Variants in MOCS1 observed in about 807,000 individuals in gnomAD.
MOCS1 encodes molybdenum cofactor synthesis 1, also known as molybdenum cofactor biosynthesis protein 1.
Under a neutral mutation model 57.6 loss-of-function variants are expected in MOCS1, and 39 were observed. The observed-to-expected ratio is 0.68, with a 90% CI of 0.52 to 0.88. MOCS1 has a LOEUF of 0.88. MOCS1 is among the 40% of genes least tolerant of loss of function. The pLI is 0.00. For synonymous variants in MOCS1, 334 were observed against 335.7 expected, an observed-to-expected ratio of 1.00 and a Z score of 0.05; for missense variants, 795 against 831.1, an observed-to-expected ratio of 0.96 and a Z score of 0.53.
Position 39,905,864 on chromosome 6 carries a change from G to A in MOCS1, c.*493C>T, listed in dbSNP as rs1040666310. 2.1e-6 allele frequency: 1 copy of A among 470,560 alleles called. No individual in the cohort carries two copies. Among genetic ancestry groups the A allele is most frequent in the Non-Finnish European group, 4.4e-6 (1 of 227,290 alleles). 29.1% of individuals were successfully genotyped at this position (470,560 alleles called of 1,614,324 possible). A position where few individuals can be genotyped will look rare whatever the true frequency, so the allele number is the denominator to read the frequency against. On this transcript the variant is annotated 3_prime_UTR_variant, in exon 11 of 11. Transcript: ENST00000340692. Reference sequence around the variant, plus strand: ...GCAGGGCTGCGGCTTCACAGACTTAGGGAGGCAGAGCTGCCGGGGAGAAGT... The same window carrying A: ...GCAGGGCTGCGGCTTCACAGACTTAAGGAGGCAGAGCTGCCGGGGAGAAGT...
intron 3 of MOCS1, among the ~76,000 whole-genome samples, chr6:39,917,361 A>G (rs1355413689): frequency 1.3e-5 from 2 of 151,996 alleles, no homozygotes; most frequent in Non-Finnish European, 2.9e-5. Context: ...GAGGGTAACC[A>G]CCCCCATTAT....
chr6:39,912,742 T>C (rs1319666747), intron 7 of MOCS1, 150 bp downstream of exon 7: 1 of 740,512 alleles, frequency 1.4e-6, no homozygotes. Flanking sequence ...AACAGGGAGG[T>C]GGTTGTGATA....
chr6:39,925,957 G>C, intron 2 of MOCS1, 112 bp from the exon 3 acceptor site: 1 of 1,179,624 alleles, frequency 8.5e-7, no homozygotes, highest in Non-Finnish European at 1.2e-6. Context: ...AAACCCATCT[G>C]GATGTGAGCG....
At chr6:39,927,916 C>A (rs904382437) in intron 1 of MOCS1, among the ~76,000 whole-genome samples, 2 of 152,104 alleles carry the variant, frequency 1.3e-5, no homozygotes, top group Non-Finnish European at 2.9e-5. Context: ...ATGTACAAGT[C>A]TGATCTAGTC....
chr6:39,913,231 CAGCCATACCCAGTGGGTG>C (rs1767445167), intron 6 of MOCS1, 68 bp downstream of exon 6: 1 of 1,185,712 alleles, frequency 8.4e-7, no homozygotes, highest in Non-Finnish European at 1.3e-6. Flanking sequence ...CCCCTGAGGT[CAGCCATACCCAGTGGGTG>C]AGCCACACTA....
chr6:39,920,020 T>C (rs752864684), intron 3 of MOCS1, among the ~76,000 whole-genome samples: 5 of 152,132 alleles, frequency 3.3e-5, no homozygotes, highest in Non-Finnish European at 7.4e-5. Flanking sequence ...AACTTGTTTT[T>C]TCAGATGGGG....
rs1409108003 is a variant in MOCS1, at chr6:39,905,559, G to A, written c.*798C>T. ...CATCGTAGCTTTATTTGTGCGCTGT[G>A]AGGGTGAAGGCAATCTATCATCAAC... is the stretch of plus-strand genomic sequence containing the variant. On this transcript the variant is annotated 3_prime_UTR_variant, in exon 11 of 11. Coordinates refer to ENST00000340692, the MANE Select transcript of MOCS1 (RefSeq NM_001358530.2). 1.1e-5 allele frequency: 5 copies of A among 471,188 alleles called. No homozygotes were observed. Among genetic ancestry groups the A allele is most frequent in the Admixed American group, 7.0e-5 (3 of 42,588 alleles). 29.2% of individuals were successfully genotyped at this position (471,188 alleles called of 1,614,324 possible). A position where few individuals can be genotyped will look rare whatever the true frequency, so the allele number is the denominator to read the frequency against.
At chr6:39,927,515 A>G (rs1387220095) in intron 1 of MOCS1, 60 bp from the exon 2 acceptor site, 1 of 1,610,728 alleles carries the variant, frequency 6.2e-7, no homozygotes, top group Non-Finnish European at 8.5e-7. Context: ...GAAGAGGCAC[A>G]AGGAGAACCG....
At chr6:39,925,060 A>T (rs968130467) in intron 3 of MOCS1, among the ~76,000 whole-genome samples, 3 of 152,180 alleles carry the variant, frequency 2.0e-5, no homozygotes, top group African/African-American at 7.2e-5. Flanking sequence ...AGCCTAGGTG[A>T]CAGAGCGAGA....
Position 39,916,337 on chromosome 6 carries a change from A to G in MOCS1, c.419-105T>C, listed in dbSNP as rs531390167. The stretch of plus-strand genomic sequence containing the variant: ...TTTGTCCAGACAAGATGGATGGAAA[A>G]GAGGCTCTCTGCAGACCTATATTAA... On this transcript the variant is annotated intron_variant, in intron 3 of 10. Transcript: ENST00000340692. The G allele has an allele frequency of 8.0e-5, 113 of 1,412,270 alleles. No homozygotes were observed. In the African/African-American group the frequency reaches 1.3e-3, roughly 16 times the overall value. 87.5% of individuals were successfully genotyped at this position (1,412,270 alleles called of 1,614,324 possible).
intron 1 of MOCS1, chr6:39,927,784 C>A: frequency 2.1e-6 from 3 of 1,415,034 alleles, no homozygotes; most frequent in South Asian, 2.9e-5. Flanking sequence ...CTAGCCAGTG[C>A]CAAAAAAAGG....
Position 39,905,602 on chromosome 6 carries a change from G to GCT in MOCS1, c.*753_*754dup, listed in dbSNP as rs1210329342. On this transcript the variant is annotated 3_prime_UTR_variant, in exon 11 of 11. Coordinates refer to ENST00000340692, the MANE Select transcript of MOCS1 (RefSeq NM_001358530.2). ...TCATCAACTTTTCTTTCCCTGATAT[G>GCT]CTCCAGAATAAAGAGGGGTGGGTGG... is the stretch of plus-strand genomic sequence containing the variant. 1 of 471,184 alleles carries GCT rather than the reference G, an allele frequency of 2.1e-6. No individual in the cohort carries two copies. The highest frequency in any genetic ancestry group is 4.4e-6 in the Non-Finnish European group (1 of 227,074). The allele number at this position is 471,184 out of a possible 1,614,324, so 29.2% of individuals were successfully genotyped here. A position where few individuals can be genotyped will look rare whatever the true frequency, so the allele number is the denominator to read the frequency against.
intron 3 of MOCS1, 131 bp downstream of exon 3, chr6:39,925,547 A>G: frequency 1.9e-6 from 2 of 1,057,462 alleles, no homozygotes; most frequent in South Asian, 1.3e-5. Context: ...CACCTGTCTC[A>G]GCAGGTGTTG....
At chr6:39,913,122 G>A in intron 6 of MOCS1, 118 bp from the exon 7 acceptor site, 2 of 950,956 alleles carry the variant, frequency 2.1e-6, no homozygotes, top group Non-Finnish European at 3.5e-6. Flanking sequence ...CCTCTTGGAA[G>A]GGAGGGACGG....
intron 8 of MOCS1, 53 bp downstream of exon 8, chr6:39,912,211 G>T: frequency 7.5e-7 from 1 of 1,327,610 alleles, no homozygotes; most frequent in Non-Finnish European, 1.1e-6. Context: ...GGTGGGAGGA[G>T]ACATGAGAAC....
chr6:39,912,520 T>C (rs551472567), intron 7 of MOCS1, 146 bp from the exon 8 acceptor site: 27 of 693,768 alleles, frequency 3.9e-5, no homozygotes, highest in South Asian at 2.7e-4. Context: ...CCTCAGGTGA[T>C]AGAAGACTCT....
At chr6:39,917,613 G>A (rs919580445) in intron 3 of MOCS1, among the ~76,000 whole-genome samples, 7 of 152,090 alleles carry the variant, frequency 4.6e-5, no homozygotes, top group African/African-American at 1.2e-4. Flanking sequence ...TGAGTACACC[G>A]CCAAGAATCA....
Position 39,905,530 on chromosome 6 carries a change from TTGGCATCGTAGC to T in MOCS1, c.*815_*826del, listed in dbSNP as rs902146536. ...TGTCTTCATTCTTGCATCTGCAAAG[TTGGCATCGTAGC>T]TTTATTTGTGCGCTGTGAGGGTGAA... On this transcript the variant is annotated 3_prime_UTR_variant, in exon 11 of 11. Transcript: ENST00000340692. 4 of 471,090 alleles carry T rather than the reference TTGGCATCGTAGC, an allele frequency of 8.5e-6. No individual in the cohort carries two copies. The highest frequency in any genetic ancestry group is 6.0e-5 in the African/African-American group (3 of 50,088). 29.2% of individuals were successfully genotyped at this position (471,090 alleles called of 1,614,324 possible).
At position 39,906,360 on chromosome 6, in the gene MOCS1, A is replaced by C. The variant is rs1766932907; in HGVS notation, c.1908T>G (p.Ala636=). 2 of 1,596,478 alleles carry C rather than the reference A, an allele frequency of 1.3e-6. No individual in the cohort carries two copies. Among genetic ancestry groups the C allele is most frequent in the Admixed American group, 3.4e-5 (2 of 59,562 alleles). Residue 636 remains alanine, a synonymous_variant, in exon 11 of 11, where the codon GCT becomes GCG. Transcript: ENST00000340692. ...CCATGGGTGAGAAGGGCAGGTGCTA[A>C]GCCCGATGGAAGTCCCCCCGCTGAC... ...TGGQRGDFHR[A]
Sources: gnomAD v4.1 joint callset for allele counts (sites outside exome capture counted in the v4.1 genomes callset) on GRCh38, gnomAD v4.1.1 for gene constraint, MANE v1.5 for transcripts, NCBI Gene and HGNC (gene_info 2026-07-23, HGNC 2026-07-21) for gene names.